C8orf34: variants seen among roughly 807,000 people sequenced by gnomAD.
C8orf34 encodes uncharacterized protein C8orf34.
C8orf34 carries 65 observed loss-of-function variants against 68.3 expected under a neutral mutation model. That is an observed-to-expected ratio of 0.95 (90% CI 0.78 to 1.17). The LOEUF (loss-of-function observed/expected upper bound fraction) is 1.17, where lower values mean the gene tolerates loss of function less well. C8orf34 is among the 50% of genes most tolerant of loss of function. The probability of loss-of-function intolerance (pLI) is 0.00; values close to 1 mark genes in which losing one functional copy is unlikely to be tolerated. For synonymous variants in C8orf34, 244 were observed against 241.2 expected, an observed-to-expected ratio of 1.01 and a Z score of -0.11; for missense variants, 664 against 655.4, an observed-to-expected ratio of 1.01 and a Z score of -0.14.
intron 7 of C8orf34, among the ~76,000 whole-genome samples, chr8:68,541,535 A>C (rs1356563158): frequency 6.6e-6 from 1 of 152,160 alleles, no homozygotes; most frequent in Non-Finnish European, 1.5e-5. Flanking sequence ...TCATTTTAAT[A>C]CCAACGCCTC....
intron 11 of C8orf34, among the ~76,000 whole-genome samples, chr8:68,783,254 G>A (rs13248983): frequency 0.077 from 11,692 of 151,910 alleles, 643 homozygotes; most frequent in Middle Eastern, 0.11. Flanking sequence ...AAATAGAGGC[G>A]CACGCCTGTA....
chr8:68,809,135 G>T (rs1824571967), intron 12 of C8orf34, among the ~76,000 whole-genome samples: 1 of 152,062 alleles, frequency 6.6e-6, no homozygotes, highest in Non-Finnish European at 1.5e-5. Context: ...GCACTCAAGT[G>T]CATCTACAGT....
chr8:68,631,675 G>A (rs142494718), intron 7 of C8orf34, among the ~76,000 whole-genome samples: 12 of 152,238 alleles, frequency 7.9e-5, no homozygotes, highest in Admixed American at 2.6e-4. Context: ...GAAGGACCTG[G>A]TGGGAGGTGA....
intron 9 of C8orf34, among the ~76,000 whole-genome samples, chr8:68,717,480 G>A (rs56402334): frequency 0.077 from 11,192 of 145,530 alleles, 608 homozygotes; most frequent in African/African-American, 0.16. Context: ...GCGACAGAGC[G>A]AGACTCTGTC....
rs539884236 is a variant in C8orf34, at chr8:68,390,787, T to C, written c.328-48712T>C. On this transcript the variant is annotated intron_variant, in intron 1 of 13. Transcript: ENST00000518698. ...GGGTTCTCCAGAGAAACAGAGCCAA[T>C]AGAGAGTTATTTTAAGGAATTGGCT... Among the ~76,000 whole-genome samples, 101 of 152,130 alleles carry C rather than the reference T, an allele frequency of 6.6e-4. No individual in the cohort carries two copies. The South Asian group carries it at 0.02, about 31-fold the overall frequency.
chr8:68,782,431 C>CTTT (rs10539738), intron 11 of C8orf34, among the ~76,000 whole-genome samples: 1 of 138,656 alleles, frequency 7.2e-6, no homozygotes, highest in Non-Finnish European at 1.6e-5. Context: ...GATTGAGTGT[C>CTTT]TTTTTTTTTT....
intron 7 of C8orf34, among the ~76,000 whole-genome samples, chr8:68,590,493 A>C (rs1817354836): frequency 6.6e-6 from 1 of 152,146 alleles, no homozygotes; most frequent in African/African-American, 2.4e-5. Flanking sequence ...GAACAGGAGG[A>C]AAATTTAAAT....
At chr8:68,500,762 A>G (rs1327576548) in intron 5 of C8orf34, among the ~76,000 whole-genome samples, 2 of 152,154 alleles carry the variant, frequency 1.3e-5, no homozygotes, top group Non-Finnish European at 2.9e-5. Context: ...TATTACATTA[A>G]CCATTAACAT....
chr8:68,804,141 C>A (rs1347566643), intron 12 of C8orf34, among the ~76,000 whole-genome samples: 1 of 152,074 alleles, frequency 6.6e-6, no homozygotes, highest in Non-Finnish European at 1.5e-5. Flanking sequence ...ATCAATTTTC[C>A]TCAACTTTGC....
chr8:68,503,465 C>CA (rs894274238), intron 5 of C8orf34, among the ~76,000 whole-genome samples: 2 of 151,922 alleles, frequency 1.3e-5, no homozygotes, highest in Admixed American at 6.6e-5. Flanking sequence ...TGTGTGGGTA[C>CA]AAAGGCATTC....
At chr8:68,448,907 A>G (rs939891808) in intron 3 of C8orf34, among the ~76,000 whole-genome samples, 1 of 152,090 alleles carries the variant, frequency 6.6e-6, no homozygotes, top group Non-Finnish European at 1.5e-5. Context: ...ACCAGAGATA[A>G]AGAGACCATA....
chr8:68,605,994 C>G (rs1817842972), intron 7 of C8orf34, among the ~76,000 whole-genome samples: 1 of 151,970 alleles, frequency 6.6e-6, no homozygotes, highest in East Asian at 1.9e-4. Flanking sequence ...AATCTCTGTA[C>G]TTTCTGCTCA....
In C8orf34 at chr8:68,377,079, G is replaced by C. The variant is rs537961885; in HGVS notation, c.327+45740G>C. Among the ~76,000 whole-genome samples, 521 of 152,238 alleles carry C rather than the reference G, an allele frequency of 3.4e-3. 3 individuals carry two copies. Among genetic ancestry groups the C allele is most frequent in the Non-Finnish European group, 5.9e-3 (398 of 68,002 alleles). ...GAGGAACCTTCATGGAGCCCTGAATGTGAGAAGAGCAGAAGTAAGAAGCAA... is the reference window on the plus strand; with the variant it reads ...GAGGAACCTTCATGGAGCCCTGAATCTGAGAAGAGCAGAAGTAAGAAGCAA... On this transcript the variant is annotated intron_variant, in intron 1 of 13. Coordinates refer to ENST00000518698, the MANE Select transcript of C8orf34 (RefSeq NM_052958.4).
At chr8:68,614,604 T>G (rs1263000709) in intron 7 of C8orf34, among the ~76,000 whole-genome samples, 1 of 152,170 alleles carries the variant, frequency 6.6e-6, no homozygotes, top group Non-Finnish European at 1.5e-5. Context: ...GTTGTAGATA[T>G]GCGGTGTTAT....
At chr8:68,443,627 C>T (rs934199851) in intron 2 of C8orf34, among the ~76,000 whole-genome samples, 7 of 151,830 alleles carry the variant, frequency 4.6e-5, no homozygotes, top group Non-Finnish European at 1.0e-4. Flanking sequence ...AGGATGGTCT[C>T]GATCTCTTGA....
intron 8 of C8orf34, among the ~76,000 whole-genome samples, chr8:68,694,671 G>C (rs539443048): frequency 2.0e-5 from 3 of 151,984 alleles, no homozygotes; most frequent in Admixed American, 2.0e-4. Flanking sequence ...TAATGAATAG[G>C]AACGAATAGT....
At chr8:68,721,984 C>T (rs528164295) in intron 10 of C8orf34, among the ~76,000 whole-genome samples, 1 of 152,020 alleles carries the variant, frequency 6.6e-6, no homozygotes, top group African/African-American at 2.4e-5. Flanking sequence ...AATGCAATCG[C>T]TTTATCTTAA....
At chr8:68,719,748 T>C (rs1821615049) in intron 9 of C8orf34, among the ~76,000 whole-genome samples, 1 of 151,918 alleles carries the variant, frequency 6.6e-6, no homozygotes, top group East Asian at 1.9e-4. Context: ...CATGAGAAGG[T>C]GGATTTTACT....
At chr8:68,414,858 CTCT>C (rs1270866682) in intron 1 of C8orf34, among the ~76,000 whole-genome samples, 2 of 152,168 alleles carry the variant, frequency 1.3e-5, no homozygotes, top group African/African-American at 2.4e-5. Context: ...CCACCATTCC[CTCT>C]TCTTCTAATA....
Sources: gnomAD v4.1 joint callset for allele counts (sites outside exome capture counted in the v4.1 genomes callset) on GRCh38, gnomAD v4.1.1 for gene constraint, MANE v1.5 for transcripts, NCBI Gene and HGNC (gene_info 2026-07-23, HGNC 2026-07-21) for gene names.